Variants in KNTC1 observed in about 807,000 individuals in gnomAD.
KNTC1 encodes the protein kinetochore associated 1.
In KNTC1, 253 loss-of-function variants were observed where a neutral mutation model predicts 314.4. The observed-to-expected ratio is 0.80, with a 90% CI of 0.73 to 0.89. The LOEUF (loss-of-function observed/expected upper bound fraction) is 0.89. Ranked by LOEUF, KNTC1 falls within the 40% of genes least tolerant of loss-of-function variation. KNTC1 has a pLI of 0.00. For missense variants in KNTC1, 2,475 were observed against 2,572.9 expected (o/e 0.96, Z 0.82); for synonymous variants, 901 against 901.4 (o/e 1.00, Z 0.01).
intron 8 of KNTC1, 44 bp downstream of exon 8, chr12:122,544,313 T>G: frequency 1.1e-6 from 1 of 941,112 alleles, no homozygotes; most frequent in Non-Finnish European, 1.6e-6. Flanking sequence ...CCTAAAGCAT[T>G]TTCTCAGAAA....
Position 122,573,268 on chromosome 12 carries a change from C to G in KNTC1, c.2266C>G (p.Leu756Val). The stretch of plus-strand genomic sequence containing the variant: ...ACATGACTTGCAAGAGGAGGAACTT[C>G]TCTTGCTGTACATAGAGGTAACTTT... ...REHDLQEEEL[L>V]LLYIEDLLNR... Residue 756 changes from leucine to valine, a missense_variant, in exon 26 of 64, where the codon CTC becomes GTC. Coordinates refer to ENST00000333479, the MANE Select transcript of KNTC1 (RefSeq NM_014708.6). The G allele has an allele frequency of 1.2e-6, 2 of 1,613,818 alleles. No individual in the cohort carries two copies. Among genetic ancestry groups the G allele is most frequent in the Non-Finnish European group, 8.5e-7 (1 of 1,179,802 alleles).
intron 53 of KNTC1, among the ~76,000 whole-genome samples, chr12:122,612,397 GTTTTCTTTTTCT>G (rs202047595): frequency 1.1e-4 from 15 of 142,752 alleles, no homozygotes; most frequent in African/African-American, 2.8e-4. Flanking sequence ...TTTGTCTTTG[GTTTTCTTTTTCT>G]TTTTCTTTTT....
At chr12:122,607,810 G>A (rs900204963) in intron 51 of KNTC1, among the ~76,000 whole-genome samples, 13 of 152,042 alleles carry the variant, frequency 8.6e-5, no homozygotes, top group African/African-American at 1.7e-4. Flanking sequence ...ATTTCATTTT[G>A]GGTCTGCTAA....
intron 57 of KNTC1, among the ~76,000 whole-genome samples, chr12:122,617,730 A>C (rs1873921131): frequency 6.6e-6 from 1 of 152,238 alleles, no homozygotes; most frequent in African/African-American, 2.4e-5. Context: ...CTAGAACCTT[A>C]ATCATCTCAA....
intron 16 of KNTC1, among the ~76,000 whole-genome samples, chr12:122,552,406 C>G (rs1963264376): frequency 6.6e-6 from 1 of 152,112 alleles, no homozygotes; most frequent in South Asian, 2.1e-4. Context: ...CCTCTGTCAC[C>G]CAGGCTGGAG....
intron 33 of KNTC1, among the ~76,000 whole-genome samples, chr12:122,581,542 T>C (rs1868392671): frequency 6.6e-6 from 1 of 151,922 alleles, no homozygotes. Context: ...TTGCCCAGGC[T>C]GGAGGGCTGT....
chr12:122,576,972 G>A lies in KNTC1; in HGVS notation c.2664G>A (p.Met888Ile). 1.3e-6 allele frequency: 2 copies of A among 1,596,054 alleles called. No individual in the cohort carries two copies. The highest frequency in any genetic ancestry group is 1.7e-6 in the Non-Finnish European group (2 of 1,169,792). The change falls in exon 30 of 64, where the codon ATG (methionine) becomes ATA (isoleucine). Residue 888 changes from methionine (M) to isoleucine (I), a missense_variant. Met to Ile is a conservative substitution (Grantham distance 10). Transcript: ENST00000333479. ...EDALKVAQAF[M>I]LSDDEIYSLR... The stretch of plus-strand genomic sequence containing the variant: ...CTTTAAAGGTAGCCCAAGCGTTTAT[G>A]TTATCTGATGATGAGATCTACAGTC...
intron 52 of KNTC1, among the ~76,000 whole-genome samples, chr12:122,610,453 G>C (rs1390881380): frequency 2.6e-5 from 4 of 152,200 alleles, no homozygotes; most frequent in Non-Finnish European, 5.9e-5. Flanking sequence ...GTTGAAATGG[G>C]CTGCTAACAA....
intron 2 of KNTC1, among the ~76,000 whole-genome samples, chr12:122,531,239 T>C (rs1286694990): frequency 6.6e-6 from 1 of 152,148 alleles, no homozygotes; most frequent in Non-Finnish European, 1.5e-5. Flanking sequence ...TCTGTGGAAC[T>C]GTGCTGCTTT....
In KNTC1 at chr12:122,597,721, C is replaced by T. The variant is rs371992538; in HGVS notation, c.4356-10C>T. 5.0e-6 allele frequency: 8 copies of T among 1,612,566 alleles called. No individual in the cohort carries two copies. Among genetic ancestry groups the T allele is most frequent in the South Asian group, 3.3e-5 (3 of 91,016 alleles). ...TTGGGAGACTGGTGTGTATTGAATG[C>T]TTCTTTTAGCACATTTCAGTTGGAC... On this transcript the variant is annotated splice_polypyrimidine_tract_variant and intron_variant, in intron 43 of 63. Transcript: ENST00000333479.
rs745311244 is a variant in KNTC1 at position 122,587,669 on chromosome 12, GT to G, written c.3731-39del. On this transcript the variant is annotated intron_variant, in intron 38 of 63. Coordinates refer to ENST00000333479, the MANE Select transcript of KNTC1 (RefSeq NM_014708.6). ...GTTTTCAATAATATGATCTTTCTTT[GT>G]TTAAAAAATCTAAATATTAAAATCC... The G allele has an allele frequency of 3.3e-6, 5 of 1,504,784 alleles. No homozygotes were observed. In the Admixed American group the frequency reaches 1.0e-4, roughly 31 times the overall value. 93.2% of individuals were successfully genotyped at this position (1,504,784 alleles called of 1,614,324 possible). A position where few individuals can be genotyped will look rare whatever the true frequency, so the allele number is the denominator to read the frequency against.
intron 21 of KNTC1, 29 bp downstream of exon 21, chr12:122,568,401 A>G (rs1964481383): frequency 8.5e-7 from 1 of 1,181,664 alleles, no homozygotes; most frequent in African/African-American, 1.5e-5. Flanking sequence ...TTTCCTTAAC[A>G]GCTTTATAGC....
Position 122,605,342 on chromosome 12 carries a change from A to G in KNTC1, c.5423A>G (p.Asn1808Ser), listed in dbSNP as rs1194057844. The change falls in exon 51 of 64, where the codon AAT becomes AGT. Residue 1808 changes from asparagine (N) to serine (S), a missense_variant. Physicochemically the swap from Asn to Ser is conservative, Grantham distance 46. Transcript: ENST00000333479. ...HAAAKEIAEV[N>S]EINLEKVWDM... ...GCAGCTAAAGAAATAGCCGAAGTCA[A>G]TGAAATTAATTTGGAAAAAGTCTGG... 2 of 1,605,158 alleles carry G rather than the reference A, an allele frequency of 1.2e-6. No homozygotes were observed. Among genetic ancestry groups the G allele is most frequent in the South Asian group, 1.1e-5 (1 of 89,106 alleles).
chr12:122,545,988 A>G (rs1962731033), intron 8 of KNTC1, among the ~76,000 whole-genome samples, 188 bp from the exon 9 acceptor site: 2 of 152,104 alleles, frequency 1.3e-5, no homozygotes, highest in African/African-American at 4.8e-5. Flanking sequence ...ATGAATTCCA[A>G]TAGTACACTG....
At chr12:122,591,270 G>A (rs961726659) in intron 41 of KNTC1, 67 bp from the exon 42 acceptor site, 37 of 820,338 alleles carry the variant, frequency 4.5e-5, no homozygotes, top group South Asian at 2.5e-4. Context: ...GTTGCGTTTC[G>A]TCTAAAAGGT....
chr12:122,589,031 G>A (rs1457220226), intron 40 of KNTC1, among the ~76,000 whole-genome samples: 1 of 151,990 alleles, frequency 6.6e-6, no homozygotes, highest in Non-Finnish European at 1.5e-5. Flanking sequence ...CTTGTCCACT[G>A]TCGTATCCTG....
chr12:122,563,822 C>A, intron 20 of KNTC1: 1 of 1,454,988 alleles, frequency 6.9e-7, no homozygotes, highest in South Asian at 1.6e-5. Context: ...CAGCAGGAGG[C>A]AAAGACTTCA....
At chr12:122,613,364 C>A in intron 54 of KNTC1, 134 bp downstream of exon 54, 1 of 697,776 alleles carries the variant, frequency 1.4e-6, no homozygotes, top group Non-Finnish European at 2.3e-6. Flanking sequence ...CCTGAATATC[C>A]TTGACATTTT....
chr12:122,584,248 C>T, intron 34 of KNTC1, 30 bp from the exon 35 acceptor site: 2 of 1,545,742 alleles, frequency 1.3e-6, no homozygotes, highest in Non-Finnish European at 1.8e-6. Flanking sequence ...TGTGAGTATT[C>T]TAACTACCAA....
Sources: gnomAD v4.1 joint callset for allele counts (sites outside exome capture counted in the v4.1 genomes callset) on GRCh38, gnomAD v4.1.1 for gene constraint, MANE v1.5 for transcripts, NCBI Gene and HGNC (gene_info 2026-07-23, HGNC 2026-07-21) for gene names.